Variants in BBS10 observed in about 807,000 individuals in gnomAD.
BBS10 encodes Bardet-Biedl syndrome 10, also known as BBSome complex assembly protein BBS10.
In BBS10, 13 loss-of-function variants were observed where a neutral mutation model predicts 12.7. The observed-to-expected ratio is 1.03, with a 90% CI of 0.67 to 1.63. The LOEUF (loss-of-function observed/expected upper bound fraction) is 1.63, where lower values mean the gene tolerates loss of function less well. Ranked by LOEUF, BBS10 falls within the 40% of genes most tolerant of loss-of-function variation. The pLI is 0.00. For synonymous variants in BBS10, 294 were observed against 304.8 expected (o/e 0.96, Z 0.37); for missense variants, 858 against 858.0 (o/e 1.00, Z 0.00).
In BBS10 at chr12:76,344,830, A is replaced by C. The variant is rs1443773337; in HGVS notation, c.*983T>G. 1.3e-5 allele frequency: 2 copies of C among 152,194 alleles called. No homozygotes were observed. The highest frequency in any genetic ancestry group is 2.9e-5 in the Non-Finnish European group (2 of 68,008). 9.4% of individuals were successfully genotyped at this position (152,194 alleles called of 1,614,324 possible). On this transcript the variant is annotated 3_prime_UTR_variant, in exon 2 of 2. Transcript: ENST00000650064. ...TTTTGGGTATTACAGAGAACTGATAAAGGTAGAAAACACTGTCCTTGTCCA... is the reference window on the plus strand; with the variant it reads ...TTTTGGGTATTACAGAGAACTGATACAGGTAGAAAACACTGTCCTTGTCCA...
rs754503828 is a variant in BBS10 at position 76,348,157 on chromosome 12, G to C, written c.197+5C>G. ...GCTACGGGTTAGCGTGTGGGACGCG[G>C]GTACCTGGCTATGGGATGCTCTAAG... is the stretch of plus-strand genomic sequence containing the variant. On this transcript the variant is annotated splice_donor_5th_base_variant and intron_variant, in intron 1 of 1. Transcript: ENST00000650064. The C allele has an allele frequency of 8.1e-6, 13 of 1,604,378 alleles. No individual in the cohort carries two copies. In the South Asian group the frequency reaches 1.4e-4, roughly 18 times the overall value.
chr12:76,345,548 C>T lies in BBS10; in HGVS notation c.*265G>A, dbSNP rs778573080. 37 of 434,622 alleles carry T rather than the reference C, an allele frequency of 8.5e-5. No individual in the cohort carries two copies. Among genetic ancestry groups the T allele is most frequent in the Non-Finnish European group, 1.4e-4 (32 of 234,038 alleles). The allele number at this position is 434,622 out of a possible 1,614,324, so 26.9% of individuals were successfully genotyped here. On this transcript the variant is annotated 3_prime_UTR_variant, in exon 2 of 2. Coordinates refer to ENST00000650064, the MANE Select transcript of BBS10 (RefSeq NM_024685.4). ...AAAAACCCTCCCCTAAACACATAGG[C>T]TAACACAGAGCTGAGACACAGAGGC...
chr12:76,347,750 T>C lies in BBS10; in HGVS notation c.235A>G (p.Thr79Ala), dbSNP rs899733320. 4 of 1,603,602 alleles carry C rather than the reference T, an allele frequency of 2.5e-6. No individual in the cohort carries two copies. The highest frequency in any genetic ancestry group is 1.7e-5 in the Admixed American group (1 of 59,676). The change falls in exon 2 of 2, where the codon ACA (threonine) becomes GCA (alanine). Residue 79 changes from threonine to alanine, a missense_variant. Coordinates refer to ENST00000650064, the MANE Select transcript of BBS10 (RefSeq NM_024685.4). ...VDCVSSHLKKTGDGAKTFIIF... is the reference protein window; with the variant it reads ...VDCVSSHLKKAGDGAKTFIIF... ...ATAAATGTTTTTGCACCATCTCCTG[T>C]TTTTTTGAGATGACTGGAAACACAG...
chr12:76,346,521 T>C lies in BBS10; in HGVS notation c.1464A>G (p.Lys488=), dbSNP rs771936058. ...CTGGAATTACCAAATTAGAATGTAC[T>C]TTTAAATATGTTTGAGTTTTTTCCA... ...DALEKTQTYL[K]VHSNLVIPDV... The change falls in exon 2 of 2, where the codon AAA becomes AAG. Residue 488 remains lysine, a synonymous_variant. Transcript: ENST00000650064. The C allele has an allele frequency of 3.7e-6, 6 of 1,614,036 alleles. No homozygotes were observed. The African/African-American group carries it at 4.0e-5, about 11-fold the overall frequency.
Position 76,344,609 on chromosome 12 carries a change from A to T in BBS10, c.*1204T>A, listed in dbSNP as rs886049839. 4 of 152,194 alleles carry T rather than the reference A, an allele frequency of 2.6e-5. No homozygotes were observed. The highest frequency in any genetic ancestry group is 6.5e-5 in the Admixed American group (1 of 15,284). The allele number at this position is 152,194 out of a possible 1,614,324, so 9.4% of individuals were successfully genotyped here. On this transcript the variant is annotated 3_prime_UTR_variant, in exon 2 of 2. Transcript: ENST00000650064. Reference sequence around the variant, plus strand: ...ATCAGAATTACATTTAATATAAAAAATTTTGATATTATAGTTTTTAAAATA... The same window carrying T: ...ATCAGAATTACATTTAATATAAAAATTTTTGATATTATAGTTTTTAAAATA...
chr12:76,345,858 TC>T lies in BBS10; in HGVS notation c.2126del (p.Arg709AsnfsTer21), dbSNP rs1445806644. 1.2e-6 allele frequency: 2 copies of T among 1,613,742 alleles called. No individual in the cohort carries two copies. The highest frequency in any genetic ancestry group is 1.7e-6 in the Non-Finnish European group (2 of 1,179,808). On this transcript the variant is annotated frameshift_variant, in exon 2 of 2. Transcript: ENST00000650064. LOFTEE classifies it high-confidence loss of function. ...CTTGATTGTGAACTTTCTGAGGGTG[TC>T]TCTTAACAGTGATTACCATGTCAAT... ...LTIDMVITVK[R>X]HPQKVHNQDS...
At chr12:76,347,887 TTCCTTGGATACA>T in intron 1 of BBS10, 100 bp from the exon 2 acceptor site, 1 of 1,301,654 alleles carries the variant, frequency 7.7e-7, no homozygotes, top group Non-Finnish European at 1.1e-6. Context: ...GAGAATATTG[TTCCTTGGATACA>T]TCCTTAGTTT....
In BBS10 at chr12:76,345,294, C is replaced by G. The variant is rs1252737658; in HGVS notation, c.*519G>C. The G allele has an allele frequency of 6.6e-6, 1 of 152,414 alleles. No individual in the cohort carries two copies. Among genetic ancestry groups the G allele is most frequent in the Non-Finnish European group, 1.5e-5 (1 of 68,226 alleles). The allele number at this position is 152,414 out of a possible 1,614,324, so 9.4% of individuals were successfully genotyped here. A position where few individuals can be genotyped will look rare whatever the true frequency, so the allele number is the denominator to read the frequency against. On this transcript the variant is annotated 3_prime_UTR_variant, in exon 2 of 2. Coordinates refer to ENST00000650064, the MANE Select transcript of BBS10 (RefSeq NM_024685.4). ...TTTGAAAAAAAATTTGAGCCTTTTA[C>G]TCACTGCTAATTTAATTTTATGCTT... is the stretch of plus-strand genomic sequence containing the variant.
Position 76,346,960 on chromosome 12 carries a change from AT to A in BBS10, c.1024del (p.Ile342SerfsTer27), listed in dbSNP as rs765561672. On this transcript the variant is annotated frameshift_variant, in exon 2 of 2. Coordinates refer to ENST00000650064, the MANE Select transcript of BBS10 (RefSeq NM_024685.4). LOFTEE classifies it low-confidence loss of function (END_TRUNC). ...TGGAGAAAGACCAATGATCCTCCGG[AT>A]AAGAGAAACTTCTTCTGATGATAAA... Reference protein sequence around the residue: ...ECLSSEEVSLIRRIIGLSPFV... With the variant: ...ECLSSEEVSLXRRIIGLSPFV... 1 of 1,611,028 alleles carries A rather than the reference AT, an allele frequency of 6.2e-7. No individual in the cohort carries two copies. The highest frequency in any genetic ancestry group is 8.5e-7 in the Non-Finnish European group (1 of 1,179,998).
Position 76,348,263 on chromosome 12 carries a change from C to A in BBS10, c.96G>T (p.Glu32Asp). ...EAIVSCCVGPEGRQVLCTKPT... is the reference protein window; with the variant it reads ...EAIVSCCVGPDGRQVLCTKPT... ...GCTTCGTACACAAAACTTGCCGTCC[C>A]TCGGGCCCCACGCAGCAGCTCACGA... The change falls in exon 1 of 2, where the codon GAG becomes GAT. Residue 32 changes from glutamate to aspartate, a missense_variant. Coordinates refer to ENST00000650064, the MANE Select transcript of BBS10 (RefSeq NM_024685.4). 1 of 1,613,470 alleles carries A rather than the reference C, an allele frequency of 6.2e-7. No individual in the cohort carries two copies. The highest frequency in any genetic ancestry group is 1.3e-5 in the African/African-American group (1 of 75,038).
rs759791957 is a variant in BBS10, at chr12:76,347,355, T to C, written c.630A>G (p.Val210=). The C allele has an allele frequency of 9.3e-6, 15 of 1,614,044 alleles. No homozygotes were observed. The highest frequency in any genetic ancestry group is 1.1e-5 in the Non-Finnish European group (13 of 1,180,008). The change falls in exon 2 of 2, where the codon GTA becomes GTG. Residue 210 remains valine, a synonymous_variant. Transcript: ENST00000650064. The part of the protein sequence containing the change: ...KCMTCKSGIG[V]FELVDDHFVE... ...CAAAATGGTCATCCACTAACTCAAA[T>C]ACACCAATCCCACTTTTACAAGTCA...
Position 76,348,282 on chromosome 12 carries a change from C to T in BBS10, c.77G>A (p.Ser26Asn). ...QVAEVLEAIV[S>N]CCVGPEGRQV... The stretch of plus-strand genomic sequence containing the variant: ...CCGTCCCTCGGGCCCCACGCAGCAG[C>T]TCACGATGGCTTCCAGCACCTCGGC... Residue 26 changes from serine to asparagine, a missense_variant, in exon 1 of 2, where the codon AGC becomes AAC. By Grantham distance (46) the Ser-to-Asn change is conservative (BLOSUM62 1). Coordinates refer to ENST00000650064, the MANE Select transcript of BBS10 (RefSeq NM_024685.4). The T allele has an allele frequency of 6.2e-7, 1 of 1,612,830 alleles. No individual in the cohort carries two copies. Among genetic ancestry groups the T allele is most frequent in the Non-Finnish European group, 8.5e-7 (1 of 1,179,462 alleles).
At position 76,346,073 on chromosome 12, in the gene BBS10, A is replaced by G. The variant is rs1307081148; in HGVS notation, c.1912T>C (p.Leu638=). The G allele has an allele frequency of 6.2e-7, 1 of 1,613,608 alleles. No homozygotes were observed. ...TTATAAAGGACTTTGGGAATGCCTAAAAGTGCATTAGCTATTATCATACTA... is the reference window on the plus strand; with the variant it reads ...TTATAAAGGACTTTGGGAATGCCTAGAAGTGCATTAGCTATTATCATACTA... The part of the protein sequence containing the change: ...MVSMIIANAL[L]GIPKVLYKSK... Residue 638 remains leucine, a synonymous_variant, in exon 2 of 2, where the codon TTA becomes CTA. Coordinates refer to ENST00000650064, the MANE Select transcript of BBS10 (RefSeq NM_024685.4).
At position 76,348,311 on chromosome 12, in the gene BBS10, C is replaced by A; in HGVS notation, c.48G>T (p.Gln16His). Residue 16 changes from glutamine to histidine, a missense_variant, in exon 1 of 2, where the codon CAG becomes CAT. Gln to His is a conservative substitution (Grantham distance 24). Coordinates refer to ENST00000650064, the MANE Select transcript of BBS10 (RefSeq NM_024685.4). The stretch of plus-strand genomic sequence containing the variant: ...CGATGGCTTCCAGCACCTCGGCCAC[C>A]TGCAACGCCGCCTTCACAGACCCTG... ...AAAGSVKAAL[Q>H]VAEVLEAIVS... 6.2e-7 allele frequency: 1 copy of A among 1,610,502 alleles called. No homozygotes were observed.
intron 1 of BBS10, 36 bp downstream of exon 1, chr12:76,348,126 T>C (rs377176452): frequency 1.9e-6 from 3 of 1,579,440 alleles, no homozygotes; most frequent in Admixed American, 1.8e-5. Flanking sequence ...CTGCCTGGGG[T>C]GCCCGGCTAC....
chr12:76,347,732 T>G lies in BBS10; in HGVS notation c.253A>C (p.Thr85Pro). 6.2e-7 allele frequency: 1 copy of G among 1,607,730 alleles called. No homozygotes were observed. Among genetic ancestry groups the G allele is most frequent in the Non-Finnish European group, 8.5e-7 (1 of 1,179,812 alleles). ...HLKKTGDGAK[T>P]FIIFLCHLLR... ...AAATGGCAAAGAAAGATAATAAATG[T>G]TTTTGCACCATCTCCTGTTTTTTTG... The change falls in exon 2 of 2, where the codon ACA becomes CCA. Residue 85 changes from threonine to proline, a missense_variant. By Grantham distance (38) the Thr-to-Pro change is conservative. Coordinates refer to ENST00000650064, the MANE Select transcript of BBS10 (RefSeq NM_024685.4).
At position 76,346,883 on chromosome 12, in the gene BBS10, C is replaced by T. The variant is rs2136090613; in HGVS notation, c.1102G>A (p.Val368Met). Residue 368 changes from valine to methionine, a missense_variant, in exon 2 of 2, where the codon GTG becomes ATG. By Grantham distance (21) the Val-to-Met change is conservative (BLOSUM62 1). Coordinates refer to ENST00000650064, the MANE Select transcript of BBS10 (RefSeq NM_024685.4). ...SQCEIPNTAL[V>M]KFCKPLILRS... ...AGGATAAGAGGTTTACAAAATTTCA[C>T]CAAAGCAGTGTTAGGTATTTCACAC... 2 of 1,613,556 alleles carry T rather than the reference C, an allele frequency of 1.2e-6. No individual in the cohort carries two copies. Among genetic ancestry groups the T allele is most frequent in the East Asian group, 4.5e-5 (2 of 44,864 alleles).
rs1360420322 is a variant in BBS10, at chr12:76,346,866, A to G, written c.1119T>C (p.Pro373=). 1 of 1,613,804 alleles carries G rather than the reference A, an allele frequency of 6.2e-7. No individual in the cohort carries two copies. The highest frequency in any genetic ancestry group is 1.3e-5 in the African/African-American group (1 of 74,940). Residue 373 remains proline (P), a synonymous_variant, in exon 2 of 2, where the codon CCT becomes CCC. Transcript: ENST00000650064. ...CATATCTTTTGGATCTAAGGATAAG[A>G]GGTTTACAAAATTTCACCAAAGCAG... ...PNTALVKFCK[P]LILRSKRYVH...
At position 76,347,066 on chromosome 12, in the gene BBS10, T is replaced by G. The variant is rs1437849346; in HGVS notation, c.919A>C (p.Lys307Gln). The G allele has an allele frequency of 6.2e-7, 1 of 1,613,270 alleles. No individual in the cohort carries two copies. ...IMKHLHSQNVKLLISSVKQPD... is the reference protein window; with the variant it reads ...IMKHLHSQNVQLLISSVKQPD... ...TGTTTCACACTAGATATGAGCAATT[T>G]TACATTCTGACTATGTAGATGTTTC... The change falls in exon 2 of 2, where the codon AAA becomes CAA. Residue 307 changes from lysine to glutamine, a missense_variant. Physicochemically the swap from Lys to Gln is moderately conservative, Grantham distance 53 (BLOSUM62 1). Transcript: ENST00000650064.
Sources: allele counts gnomAD v4.1 joint callset, GRCh38; gene constraint gnomAD v4.1.1; transcripts MANE v1.5; gene names NCBI Gene and HGNC (gene_info 2026-07-23, HGNC 2026-07-21).